The following HCN1 variants were observed in gnomAD, a reference collection of about 807,000 sequenced individuals.
The protein encoded by HCN1 is hyperpolarization activated cyclic nucleotide gated potassium channel 1.
A neutral mutation model predicts 78.9 loss-of-function variants in HCN1; 13 were observed. The ratio of observed to expected loss-of-function variants is 0.16; its 90% CI spans 0.11 to 0.26. HCN1 has a LOEUF of 0.26. Ranked by LOEUF, HCN1 falls within the 10% of genes least tolerant of loss-of-function variation. The pLI, the probability that HCN1 is intolerant of heterozygous loss-of-function variation, is 1.00. For synonymous variants in HCN1, 552 were observed against 455.5 expected (o/e 1.21, Z -2.70); for missense variants, 810 against 1,154.3 (o/e 0.70, Z 4.32).
intron 4 of HCN1, among the ~76,000 whole-genome samples, chr5:45,356,254 C>A (rs918620913): frequency 6.6e-6 from 1 of 151,736 alleles, no homozygotes; most frequent in Non-Finnish European, 1.5e-5. Context: ...AGCAAGGATG[C>A]CAATACAATT....
chr5:45,441,694 A>C (rs1740684062), intron 3 of HCN1, among the ~76,000 whole-genome samples: 1 of 152,198 alleles, frequency 6.6e-6, no homozygotes, highest in African/African-American at 2.4e-5. Context: ...ATCTTCTTTA[A>C]ATGAAATATT....
At chr5:45,320,591 G>T (rs1284482163) in intron 5 of HCN1, among the ~76,000 whole-genome samples, 1 of 151,756 alleles carries the variant, frequency 6.6e-6, no homozygotes, top group African/African-American at 2.4e-5. Flanking sequence ...GAGGAACTAT[G>T]GTATCCCAGG....
At chr5:45,371,715 C>T (rs1167017757) in intron 4 of HCN1, among the ~76,000 whole-genome samples, 3 of 148,008 alleles carry the variant, frequency 2.0e-5, no homozygotes, top group Non-Finnish European at 4.4e-5. Context: ...CAAGATAGCA[C>T]CATTTCACTC....
intron 2 of HCN1, among the ~76,000 whole-genome samples, chr5:45,492,993 C>T (rs1416815250): frequency 6.6e-6 from 1 of 151,974 alleles, no homozygotes; most frequent in Non-Finnish European, 1.5e-5. Context: ...ATAAAATGTC[C>T]TGGAAGTGAA....
intron 5 of HCN1, among the ~76,000 whole-genome samples, chr5:45,319,870 C>T (rs1220416233): frequency 2.0e-5 from 3 of 151,764 alleles, no homozygotes; most frequent in Non-Finnish European, 4.4e-5. Flanking sequence ...AATAGCAAAA[C>T]TTTAAGGTTC....
At chr5:45,313,245 C>G (rs971731509) in intron 5 of HCN1, among the ~76,000 whole-genome samples, 1 of 152,132 alleles carries the variant, frequency 6.6e-6, no homozygotes, top group Admixed American at 6.5e-5. Flanking sequence ...TGCTGATACC[C>G]AGGCAAACAG....
At chr5:45,497,583 A>G (rs1742072012) in intron 2 of HCN1, among the ~76,000 whole-genome samples, 1 of 151,472 alleles carries the variant, frequency 6.6e-6, no homozygotes, top group Admixed American at 6.6e-5. Flanking sequence ...TTTTATTTTG[A>G]GCCTATGTGT....
chr5:45,672,378 G>C (rs1580040772), intron 1 of HCN1, among the ~76,000 whole-genome samples: 2 of 151,338 alleles, frequency 1.3e-5, no homozygotes, highest in African/African-American at 4.8e-5. Flanking sequence ...AGCTTCTTTA[G>C]GACTCAGTGA....
chr5:45,582,501 A>T (rs2082308331), intron 2 of HCN1, among the ~76,000 whole-genome samples: 1 of 152,114 alleles, frequency 6.6e-6, no homozygotes, highest in African/African-American at 2.4e-5. Flanking sequence ...TCCTAATTGA[A>T]TACCCTTTAT....
At position 45,376,739 on chromosome 5, in the gene HCN1, A is replaced by C. The variant is rs1045170969; in HGVS notation, c.1230+19753T>G. Among the ~76,000 whole-genome samples, 3 of 151,860 alleles carry C rather than the reference A, an allele frequency of 2.0e-5. No homozygotes were observed. In the Admixed American group the frequency reaches 2.0e-4, roughly 10 times the overall value. ...ATAACATTCTTAATACCATTCAGCA[A>C]TTTCCTTGTGTCACTGGGATTCTGA... On this transcript the variant is annotated intron_variant, in intron 4 of 7. Transcript: ENST00000303230.
intron 2 of HCN1, among the ~76,000 whole-genome samples, chr5:45,493,929 C>A (rs1445240739): frequency 6.6e-6 from 1 of 152,162 alleles, no homozygotes; most frequent in Admixed American, 6.5e-5. Context: ...AGGACATGAA[C>A]TCATCATTTT....
At chr5:45,356,478 C>A (rs970833329) in intron 4 of HCN1, among the ~76,000 whole-genome samples, 2 of 151,972 alleles carry the variant, frequency 1.3e-5, no homozygotes, top group South Asian at 4.1e-4. Context: ...CCACCAGTCT[C>A]ACTTTTCCAT....
At position 45,262,759 on chromosome 5, in the gene HCN1, C is replaced by G; in HGVS notation, c.1835G>C (p.Gly612Ala). 6.2e-7 allele frequency: 1 copy of G among 1,614,070 alleles called. No individual in the cohort carries two copies. The highest frequency in any genetic ancestry group is 8.5e-7 in the Non-Finnish European group (1 of 1,180,004). The change falls in exon 8 of 8, where the codon GGT (glycine) becomes GCT (alanine). Residue 612 changes from glycine to alanine, a missense_variant. Transcript: ENST00000303230. Reference protein sequence around the residue: ...LQKFQKDLNTGVFNNQENEIL... With the variant: ...LQKFQKDLNTAVFNNQENEIL... ...TTCGTTCTCCTGATTGTTGAAAACA[C>G]CAGTGTTCAGATCCTTCTGGAACTT... is the stretch of plus-strand genomic sequence containing the variant.
intron 2 of HCN1, among the ~76,000 whole-genome samples, chr5:45,553,669 G>A (rs1211443287): frequency 6.6e-6 from 1 of 151,768 alleles, no homozygotes. Context: ...ATATGACATA[G>A]TATTTGCATA....
intron 1 of HCN1, among the ~76,000 whole-genome samples, chr5:45,680,103 A>G (rs2112087488): frequency 6.6e-6 from 1 of 152,266 alleles, no homozygotes; most frequent in East Asian, 1.9e-4. Context: ...GAAGGAATAT[A>G]TATCAGTTTT....
At chr5:45,284,750 C>T (rs1745234020) in intron 6 of HCN1, among the ~76,000 whole-genome samples, 1 of 152,070 alleles carries the variant, frequency 6.6e-6, no homozygotes, top group South Asian at 2.1e-4. Context: ...GGCCATATGG[C>T]AGTTTCTCTT....
At chr5:45,490,071 T>C (rs1048276765) in intron 2 of HCN1, among the ~76,000 whole-genome samples, 1 of 152,146 alleles carries the variant, frequency 6.6e-6, no homozygotes, top group African/African-American at 2.4e-5. Context: ...AGCAGCATCT[T>C]TACGTATAGA....
intron 2 of HCN1, among the ~76,000 whole-genome samples, chr5:45,580,506 C>A (rs750066963): frequency 2.9e-4 from 44 of 151,946 alleles, no homozygotes; most frequent in Non-Finnish European, 5.4e-4. Context: ...GACTTCTGAT[C>A]TACAGAGCTA....
chr5:45,459,819 T>G (rs1323868839), intron 3 of HCN1, among the ~76,000 whole-genome samples: 1 of 152,056 alleles, frequency 6.6e-6, no homozygotes, highest in Non-Finnish European at 1.5e-5. Context: ...AGTGCTAATG[T>G]TTTTATACTA....
Sources: allele counts gnomAD v4.1 joint callset (sites outside exome capture counted in the v4.1 genomes callset), GRCh38; gene constraint gnomAD v4.1.1; transcripts MANE v1.5; gene names NCBI Gene and HGNC (gene_info 2026-07-23, HGNC 2026-07-21).